The following PACS2 variants were observed in gnomAD, a reference collection of about 807,000 sequenced individuals.
PACS2 encodes phosphofurin acidic cluster sorting protein 2.
In PACS2, 36 loss-of-function variants were observed where a neutral mutation model predicts 113.0. The ratio of observed to expected loss-of-function variants is 0.32; its 90% confidence interval spans 0.24 to 0.42. PACS2 has a LOEUF of 0.42. PACS2 is among the 10% of genes least tolerant of loss of function. The probability of loss-of-function intolerance (pLI) is 1.00; values close to 1 mark genes in which losing one functional copy is unlikely to be tolerated. For missense variants in PACS2, 1,015 were observed against 1,239.5 expected, an observed-to-expected ratio of 0.82 and a Z score of 2.72; for synonymous variants, 589 against 536.1, an observed-to-expected ratio of 1.10 and a Z score of -1.36.
chr14:105,301,533 G>A (rs1399408050), intron 1 of PACS2, among the ~76,000 whole-genome samples: 2 of 152,114 alleles, frequency 1.3e-5, no homozygotes, highest in Non-Finnish European at 2.9e-5. Flanking sequence ...CAGCTGCGCT[G>A]GGGGGCCTGG....
Position 105,396,532 on chromosome 14 carries a change from G to GCTCTGTTGC in PACS2, c.*1862_*1870dup, listed in dbSNP as rs1409500471. 8.7e-6 allele frequency: 1 copy of GCTCTGTTGC among 114,544 alleles called. No individual in the cohort carries two copies. The highest frequency in any genetic ancestry group is 1.7e-5 in the Non-Finnish European group (1 of 60,138). 7.1% of individuals were successfully genotyped at this position (114,544 alleles called of 1,614,324 possible). On this transcript the variant is annotated 3_prime_UTR_variant, in exon 25 of 25. Coordinates refer to ENST00000447393, the MANE Select transcript of PACS2 (RefSeq NM_001100913.3). The stretch of plus-strand genomic sequence containing the variant: ...TTTTTTTTTTTTGAGATGGAGTCTT[G>GCTCTGTTGC]CTCTGTTGCCCAGGCTGGAGTGCAG...
In PACS2 at chr14:105,350,024, A is replaced by T. The variant is rs144322773; in HGVS notation, c.207+1444A>T. Among the ~76,000 whole-genome samples, 72 of 149,808 alleles carry T rather than the reference A, an allele frequency of 4.8e-4. 1 individual carries two copies. The East Asian group carries it at 0.014, about 29-fold the overall frequency. On this transcript the variant is annotated intron_variant, in intron 2 of 24. Coordinates refer to ENST00000447393, the MANE Select transcript of PACS2 (RefSeq NM_001100913.3). ...TAGCAGGACCCCGAGAACTTCCGGG[A>T]GCGCGTGGCTAATAGCAGGACCCCA...
chr14:105,304,219 C>A (rs777779363), intron 1 of PACS2, among the ~76,000 whole-genome samples: 1 of 152,142 alleles, frequency 6.6e-6, no homozygotes, highest in Non-Finnish European at 1.5e-5. Flanking sequence ...CAGCCAGGCT[C>A]GGTGGCTCAG....
At position 105,365,451 on chromosome 14, in the gene PACS2, G is replaced by A. The variant is rs1321639614; in HGVS notation, c.424-1762G>A. Among the ~76,000 whole-genome samples, 2 of 152,126 alleles carry A rather than the reference G, an allele frequency of 1.3e-5. No homozygotes were observed. Among genetic ancestry groups the A allele is most frequent in the South Asian group, 2.1e-4 (1 of 4,824 alleles). On this transcript the variant is annotated intron_variant, in intron 4 of 24. Coordinates refer to ENST00000447393, the MANE Select transcript of PACS2 (RefSeq NM_001100913.3). This position sits in a 1 kb window ranked among gnomAD's most constrained non-coding sequence, Gnocchi z 5.1. Reference sequence around the variant, plus strand: ...CTAATCAACAACCCGCCCCTGGCCCGCTGCGGGCCCAGCAGAGCATTCCCA... The same window carrying A: ...CTAATCAACAACCCGCCCCTGGCCCACTGCGGGCCCAGCAGAGCATTCCCA...
chr14:105,360,497 C>T (rs8021663), intron 4 of PACS2, among the ~76,000 whole-genome samples: 8,916 of 149,868 alleles, frequency 0.059, 957 homozygotes, highest in African/African-American at 0.21. Flanking sequence ...GAGCCGAGAT[C>T]ACGCCACTGC....
At position 105,366,088 on chromosome 14, in the gene PACS2, G is replaced by T. The variant is rs1020432328; in HGVS notation, c.424-1125G>T. ...TGGTCGGCTGGGCGTGGTGGCTCAC[G>T]CCTGTAATCCCAGCACTTTGGGAGG... is the stretch of plus-strand genomic sequence containing the variant. On this transcript the variant is annotated intron_variant, in intron 4 of 24. Transcript: ENST00000447393. The surrounding 1 kb of genome is among the most constrained non-coding windows in gnomAD (Gnocchi z 4.3). Among the ~76,000 whole-genome samples the T allele has an allele frequency of 6.2e-4, 94 of 152,326 alleles. No homozygotes were observed. Among genetic ancestry groups the T allele is most frequent in the South Asian group, 2.1e-4 (1 of 4,826 alleles).
intron 1 of PACS2, among the ~76,000 whole-genome samples, chr14:105,338,481 CT>C (rs1555401014): frequency 6.6e-6 from 1 of 152,192 alleles, no homozygotes; most frequent in African/African-American, 2.4e-5. Flanking sequence ...TGGGCCTCCC[CT>C]GACCTATTGA....
rs1486011796 is a variant in PACS2 at position 105,385,083 on chromosome 14, C to T, written c.2000+96C>T. Reference sequence around the variant, plus strand: ...CCGCTGCTGGGCTTGGCCTGGTGGGCCGCAGAGCCCTGCACCGGGCTTAGA... The same window carrying T: ...CCGCTGCTGGGCTTGGCCTGGTGGGTCGCAGAGCCCTGCACCGGGCTTAGA... On this transcript the variant is annotated intron_variant, in intron 18 of 24. Transcript: ENST00000447393. The T allele has an allele frequency of 6.2e-6, 5 of 802,736 alleles. No individual in the cohort carries two copies. In the African/African-American group the frequency reaches 6.8e-5, roughly 11 times the overall value. The allele number at this position is 802,736 out of a possible 1,614,324, so 49.7% of individuals were successfully genotyped here.
Position 105,389,974 on chromosome 14 carries a change from T to C in PACS2, c.2047T>C (p.Ser683Pro). 6.2e-7 allele frequency: 1 copy of C among 1,613,840 alleles called. No individual in the cohort carries two copies. The highest frequency in any genetic ancestry group is 8.5e-7 in the Non-Finnish European group (1 of 1,179,874). The part of the protein sequence containing the change: ...FDFTLSPDEE[S>P]SQKFIPFVGV... ...CCTTGCTCTTAGCCCTGACGAAGAG[T>C]CCTCCCAAAAGTTCATTCCCTTTGT... The change falls in exon 20 of 25, where the codon TCC becomes CCC. Residue 683 changes from serine to proline, a missense_variant. Physicochemically the swap from Ser to Pro is moderately conservative, Grantham distance 74. Around this residue, in one of 3 missense-constraint regions of PACS2, gnomAD observed 859 missense variants for 1,056.8 expected, o/e 0.81. Transcript: ENST00000447393.
intron 1 of PACS2, among the ~76,000 whole-genome samples, chr14:105,335,291 A>G (rs587661105): frequency 2.6e-5 from 4 of 152,204 alleles, no homozygotes; most frequent in African/African-American, 4.8e-5. Context: ...CCCTGGGCTC[A>G]GCTCAGCCCC....
chr14:105,339,509 T>TAAAA (rs112048576), intron 1 of PACS2, among the ~76,000 whole-genome samples: 9 of 111,708 alleles, frequency 8.1e-5, no homozygotes, highest in African/African-American at 2.4e-4. Context: ...TCTGTCTCTA[T>TAAAA]AAAAAAAAAA....
rs1255937738 is a variant in PACS2, at chr14:105,394,953, A to C, written c.*281A>C. The C allele has an allele frequency of 2.3e-5, 9 of 397,136 alleles. No individual in the cohort carries two copies. The highest frequency in any genetic ancestry group is 3.3e-5 in the Non-Finnish European group (7 of 210,956). 24.6% of individuals were successfully genotyped at this position (397,136 alleles called of 1,614,324 possible). A position where few individuals can be genotyped will look rare whatever the true frequency, so the allele number is the denominator to read the frequency against. On this transcript the variant is annotated 3_prime_UTR_variant, in exon 25 of 25. Coordinates refer to ENST00000447393, the MANE Select transcript of PACS2 (RefSeq NM_001100913.3). Reference sequence around the variant, plus strand: ...AAGGCGTCCTCTGGCCTCAGGAGCCACCCAGAGCCTCACAGGCTGAGTTCT... The same window carrying C: ...AAGGCGTCCTCTGGCCTCAGGAGCCCCCCAGAGCCTCACAGGCTGAGTTCT...
intron 2 of PACS2, among the ~76,000 whole-genome samples, 167 bp from the exon 3 acceptor site, chr14:105,352,211 G>A (rs1304428561): frequency 6.6e-6 from 1 of 152,138 alleles, no homozygotes; most frequent in East Asian, 1.9e-4. Flanking sequence ...AGGTTCTTGG[G>A]AAAGATGCCA....
upstream of PACS2, chr14:105,314,411 A>T (rs1595535152): frequency 7.2e-6 from 1 of 139,652 alleles, no homozygotes; most frequent in African/African-American, 2.7e-5. Flanking sequence ...GCTGGCCGGG[A>T]CCCGGTGGAC....
chr14:105,393,870 C>T (rs1483599890), intron 24 of PACS2, among the ~76,000 whole-genome samples: 2 of 151,884 alleles, frequency 1.3e-5, no homozygotes, highest in East Asian at 1.9e-4. Flanking sequence ...GGATTATGGG[C>T]GCGAGCCACC....
At chr14:105,384,749 G>T (rs1555413138) in intron 17 of PACS2, 130 bp from the exon 18 acceptor site, 2 of 675,760 alleles carry the variant, frequency 3.0e-6, no homozygotes, top group African/African-American at 1.8e-5. Context: ...CCCCTCAGCT[G>T]CAACCAGCGA....
At chr14:105,392,419 T>C (rs1244059554) in intron 22 of PACS2, 200 bp from the exon 23 acceptor site, 37 of 589,864 alleles carry the variant, frequency 6.3e-5, no homozygotes, top group East Asian at 4.0e-4. Flanking sequence ...CCAGGGTCCC[T>C]GTAATTTAAG....
chr14:105,386,449 T>G (rs1294647879), intron 19 of PACS2, among the ~76,000 whole-genome samples: 4 of 152,002 alleles, frequency 2.6e-5, no homozygotes, highest in Non-Finnish European at 5.9e-5. Context: ...AGAGTTTTCA[T>G]TCCGAGGCAG....
intron 1 of PACS2, among the ~76,000 whole-genome samples, chr14:105,304,995 CA>C (rs1175224164): frequency 1.3e-5 from 2 of 152,250 alleles, no homozygotes. Context: ...TGTGTTCCCC[CA>C]AAGTCCATAT....
Sources: allele counts gnomAD v4.1 joint callset (sites outside exome capture counted in the v4.1 genomes callset), GRCh38; gene constraint gnomAD v4.1.1; regional missense constraint gnomAD v4.1.1; non-coding constraint Gnocchi (gnomAD v3.1); transcripts MANE v1.5; gene names NCBI Gene and HGNC (gene_info 2026-07-23, HGNC 2026-07-21).